The following ANKRD36C variants were observed in gnomAD, a reference collection of about 807,000 sequenced individuals.
ANKRD36C encodes the protein ankyrin repeat domain 36C, also known as ankyrin repeat domain-containing protein 36C.
ANKRD36C carries 61 observed loss-of-function variants against 276.4 expected under a neutral mutation model. The ratio of observed to expected loss-of-function variants is 0.22; its 90% CI spans 0.18 to 0.27. The LOEUF (loss-of-function observed/expected upper bound fraction) is 0.27, where lower values mean the gene tolerates loss of function less well. Among genes scored for constraint, ANKRD36C ranks in the 10% least tolerant of loss-of-function variants. The pLI, the probability that ANKRD36C is intolerant of heterozygous loss-of-function variation, is 1.00. For synonymous variants in ANKRD36C, 483 were observed against 680.1 expected, an observed-to-expected ratio of 0.71 and a Z score of 4.51; for missense variants, 1,447 against 2,032.3, an observed-to-expected ratio of 0.71 and a Z score of 5.54.
intron 59 of ANKRD36C, among the ~76,000 whole-genome samples, chr2:95,872,768 A>G (rs1675845553): frequency 6.7e-6 from 1 of 149,926 alleles, no homozygotes; most frequent in Non-Finnish European, 1.5e-5. Flanking sequence ...ATAGACAGCT[A>G]GCAAGACTAA....
chr2:95,925,622 G>C, intron 28 of ANKRD36C, 75 bp from the exon 29 acceptor site: 2 of 1,415,382 alleles, frequency 1.4e-6, no homozygotes, highest in Non-Finnish European at 1.9e-6. Context: ...TGCAGTGTTA[G>C]CATCAAGCTG....
intron 1 of ANKRD36C, among the ~76,000 whole-genome samples, chr2:95,991,233 C>A (rs1281959585): frequency 8.2e-6 from 1 of 122,210 alleles, no homozygotes; most frequent in East Asian, 2.5e-4. Flanking sequence ...CCCCTACCCC[C>A]CAAGCCTTCA....
chr2:95,959,348 T>C lies in ANKRD36C; in HGVS notation c.1004-563A>G, dbSNP rs531381216. Among the ~76,000 whole-genome samples, 3 of 152,260 alleles carry C rather than the reference T, an allele frequency of 2.0e-5. No homozygotes were observed. In the East Asian group the frequency reaches 5.8e-4, roughly 29 times the overall value. On this transcript the variant is annotated intron_variant, in intron 10 of 66. Transcript: ENST00000456556. ...TATATGTTTGGTGAATCCTAGCATA[T>C]AATATTCCTTATTTCTCACACCGCT...
At chr2:95,852,295 A>G (rs1675312276) in intron 64 of ANKRD36C, 99 bp from the exon 85 acceptor site, 5 of 863,340 alleles carry the variant, frequency 5.8e-6, no homozygotes, top group Non-Finnish European at 9.1e-6. Context: ...ATTTTAGACT[A>G]TCAGAATCTT....
chr2:95,980,501 T>C, intron 5 of ANKRD36C, 147 bp downstream of exon 5: 2 of 1,160,548 alleles, frequency 1.7e-6, no homozygotes, highest in Non-Finnish European at 2.4e-6. Flanking sequence ...GTTGCACAAC[T>C]CTCGAAAACT....
intron 6 of ANKRD36C, among the ~76,000 whole-genome samples, chr2:95,968,170 T>C (rs1231071651): frequency 6.6e-6 from 1 of 152,152 alleles, no homozygotes; most frequent in East Asian, 1.9e-4. Flanking sequence ...GATGCTTTAT[T>C]ACAGAGACTC....
chr2:95,979,321 A>G (rs2438924), intron 5 of ANKRD36C, among the ~76,000 whole-genome samples: 61,533 of 151,546 alleles, frequency 0.41, 13,361 homozygotes, highest in East Asian at 0.66. Flanking sequence ...AATTTTCTCC[A>G]TATTGTTCCA....
In ANKRD36C at chr2:95,888,083, T is replaced by C. The variant is rs534558499; in HGVS notation, c.2988+9A>G. ...TAATAGTTCACAATATAAATGACAG[T>C]TTAATTACCTTCAAGGCTGGTTGTT... is the stretch of plus-strand genomic sequence containing the variant. On this transcript the variant is annotated intron_variant, in intron 49 of 66. Coordinates refer to ENST00000456556, the Ensembl canonical transcript of ANKRD36C. The C allele has an allele frequency of 1.8e-4, 283 of 1,609,446 alleles. 1 individual carries two copies. In the African/African-American group the frequency reaches 3.5e-3, roughly 20 times the overall value.
chr2:95,861,319 C>T (rs1327747962), intron 60 of ANKRD36C, among the ~76,000 whole-genome samples: 7 of 151,236 alleles, frequency 4.6e-5, no homozygotes, highest in African/African-American at 1.2e-4. Context: ...AAATTTGACA[C>T]GATAAACTGC....
chr2:95,971,710 TATAAAC>T (rs1304152239), intron 6 of ANKRD36C, among the ~76,000 whole-genome samples: 1 of 152,070 alleles, frequency 6.6e-6, no homozygotes, highest in Non-Finnish European at 1.5e-5. Context: ...ATTTCATAAT[TATAAAC>T]AGAAATTTAA....
In ANKRD36C at chr2:95,940,041, T is replaced by C. The variant is rs1372244388; in HGVS notation, c.1532-1026A>G. Among the ~76,000 whole-genome samples the C allele has an allele frequency of 2.0e-5, 3 of 151,854 alleles. No individual in the cohort carries two copies. In the East Asian group the frequency reaches 6.0e-4, roughly 30 times the overall value. ...AACTTTCTTTTTTTTATTTTTGACA[T>C]GGAGTCTTGCTCTGTTGCCTAGGCT... On this transcript the variant is annotated intron_variant, in intron 20 of 66. Transcript: ENST00000456556.
rs1375057003 is a variant in ANKRD36C, at chr2:95,914,369, G to A, written c.2450-66C>T. On this transcript the variant is annotated intron_variant, in intron 38 of 66. Coordinates refer to ENST00000456556, the Ensembl canonical transcript of ANKRD36C. ...ATGACAAAATTATCCATACATTCAT[G>A]CAGTGTTAGCATCAACCTCTGTCTT... is the stretch of plus-strand genomic sequence containing the variant. The A allele has an allele frequency of 4.6e-6, 7 of 1,514,950 alleles. No homozygotes were observed. In the African/African-American group the frequency reaches 7.0e-5, roughly 15 times the overall value. 93.8% of individuals were successfully genotyped at this position (1,514,950 alleles called of 1,614,324 possible). A position where few individuals can be genotyped will look rare whatever the true frequency, so the allele number is the denominator to read the frequency against.
intron 36 of ANKRD36C, among the ~76,000 whole-genome samples, chr2:95,916,830 C>G (rs1677112149): frequency 6.6e-6 from 1 of 151,548 alleles, no homozygotes; most frequent in Admixed American, 6.6e-5. Flanking sequence ...CTAGTCGTGG[C>G]ACCAAAGGAT....
downstream of ANKRD36C, among the ~76,000 whole-genome samples, chr2:95,850,529 T>C (rs1311485620): frequency 3.3e-5 from 5 of 152,234 alleles, no homozygotes; most frequent in African/African-American, 1.2e-4. Context: ...GTGAAGACGA[T>C]CACTGTGGAG....
rs1676702022 is a variant in ANKRD36C at position 95,902,983 on chromosome 2, A to T, written c.2654-3647T>A. 5 of 1,577,168 alleles carry T rather than the reference A, an allele frequency of 3.2e-6. No individual in the cohort carries two copies. In the African/African-American group the frequency reaches 4.1e-5, roughly 13 times the overall value. On this transcript the variant is annotated intron_variant, in intron 42 of 66. Transcript: ENST00000456556. The stretch of plus-strand genomic sequence containing the variant: ...CCTGAATGGAATTTGAAATGCAATA[A>T]TAAATTAATAAAGTATGCTTCATAG...
chr2:95,917,729 G>A, intron 36 of ANKRD36C, 126 bp downstream of exon 38: 4 of 1,260,574 alleles, frequency 3.2e-6, no homozygotes, highest in Non-Finnish European at 4.4e-6. Flanking sequence ...AGACTCTCAG[G>A]ACTGCTGGAT....
chr2:95,975,666 T>C (rs1678794856), intron 6 of ANKRD36C, among the ~76,000 whole-genome samples: 1 of 152,114 alleles, frequency 6.6e-6, no homozygotes, highest in Non-Finnish European at 1.5e-5. Context: ...CCTAAAACCA[T>C]AAAAACCCTA....
chr2:95,971,619 T>A (rs1347149624), intron 6 of ANKRD36C, among the ~76,000 whole-genome samples: 1 of 152,114 alleles, frequency 6.6e-6, no homozygotes, highest in African/African-American at 2.4e-5. Context: ...TCCAGAATTA[T>A]AGTATATAAA....
chr2:95,946,842 G>A (rs2104476075), intron 17 of ANKRD36C, among the ~76,000 whole-genome samples: 1 of 151,790 alleles, frequency 6.6e-6, no homozygotes, highest in South Asian at 2.1e-4. Flanking sequence ...CTCACTCATA[G>A]GTGGGAATTG....
Sources: allele counts gnomAD v4.1 joint callset (sites outside exome capture counted in the v4.1 genomes callset), GRCh38; gene constraint gnomAD v4.1.1; transcripts MANE v1.5; gene names NCBI Gene and HGNC (gene_info 2026-07-23, HGNC 2026-07-21).